TRIM44: variants seen among roughly 807,000 people sequenced by gnomAD.
TRIM44 encodes the protein tripartite motif-containing protein 44.
TRIM44 carries 13 observed loss-of-function variants against 37.4 expected under a neutral mutation model. That is an observed-to-expected ratio of 0.35 (90% CI 0.23 to 0.55). The LOEUF is 0.55. TRIM44 is among the 20% of genes least tolerant of loss of function. The probability of loss-of-function intolerance (pLI) is 0.89; values close to 1 mark genes in which losing one functional copy is unlikely to be tolerated. For missense variants in TRIM44, 426 were observed against 437.2 expected (o/e 0.97, Z 0.23); for synonymous variants, 175 against 157.2 (o/e 1.11, Z -0.85).
chr11:35,704,574 T>C (rs11033248), intron 2 of TRIM44, among the ~76,000 whole-genome samples: 2,112 of 152,264 alleles, frequency 0.014, 117 homozygotes, highest in East Asian at 0.14. Flanking sequence ...CGGCAGAAAC[T>C]CTACAAGCCA....
intron 4 of TRIM44, among the ~76,000 whole-genome samples, chr11:35,759,233 G>A (rs958908118): frequency 4.6e-5 from 7 of 151,988 alleles, no homozygotes; most frequent in Admixed American, 6.6e-5. Context: ...TTCTCTTCTC[G>A]CTTCATTTCA....
At chr11:35,759,500 C>T (rs571584051) in intron 4 of TRIM44, among the ~76,000 whole-genome samples, 9 of 152,344 alleles carry the variant, frequency 5.9e-5, no homozygotes, top group African/African-American at 1.9e-4. Flanking sequence ...TCTCTCAACT[C>T]GTCAAAGTCA....
intron 1 of TRIM44, among the ~76,000 whole-genome samples, chr11:35,682,295 A>T (rs1195468924): frequency 6.6e-6 from 1 of 152,154 alleles, no homozygotes; most frequent in African/African-American, 2.4e-5. Context: ...CCACATGTGT[A>T]TCATGGGTGA....
chr11:35,703,969 A>G (rs1851836310), intron 2 of TRIM44, among the ~76,000 whole-genome samples: 1 of 152,200 alleles, frequency 6.6e-6, no homozygotes, highest in Admixed American at 6.5e-5. Flanking sequence ...TCCGAGCTAC[A>G]GGAGGAAATT....
intron 2 of TRIM44, among the ~76,000 whole-genome samples, chr11:35,721,558 G>T (rs1564976976): frequency 6.6e-6 from 1 of 152,190 alleles, no homozygotes; most frequent in Non-Finnish European, 1.5e-5. Flanking sequence ...GGTGATGAAA[G>T]AAGTAAAGAT....
intron 2 of TRIM44, among the ~76,000 whole-genome samples, chr11:35,718,667 A>G (rs1420927638): frequency 6.6e-6 from 1 of 152,114 alleles, no homozygotes. Flanking sequence ...TACCATTAAA[A>G]TATCATACAG....
At chr11:35,725,902 C>T (rs1311726919) in intron 2 of TRIM44, 22 bp from the exon 3 acceptor site, 3 of 1,610,542 alleles carry the variant, frequency 1.9e-6, no homozygotes, top group Non-Finnish European at 2.5e-6. Flanking sequence ...ACTTATTCTT[C>T]TTATTTGTCT....
chr11:35,696,516 C>T (rs1017709367), intron 2 of TRIM44, among the ~76,000 whole-genome samples: 7 of 151,972 alleles, frequency 4.6e-5, no homozygotes, highest in African/African-American at 1.2e-4. Flanking sequence ...TCATCTGTCT[C>T]TTGTCTTTCC....
Position 35,795,822 on chromosome 11 carries a change from C to G in TRIM44, c.1008-10536C>G, listed in dbSNP as rs147544086. Reference sequence around the variant, plus strand: ...CAACTCACTGTATGACTTTTAGTCTCTCTTAGTCTTGGTTTCTTCATATGA... The same window carrying G: ...CAACTCACTGTATGACTTTTAGTCTGTCTTAGTCTTGGTTTCTTCATATGA... On this transcript the variant is annotated intron_variant, in intron 4 of 4. Transcript: ENST00000299413. 1.8e-3 allele frequency among the ~76,000 whole-genome samples: 278 copies of G among 152,232 alleles called. 14 individuals are homozygous for G. In the East Asian group the frequency reaches 0.031, roughly 17 times the overall value.
chr11:35,675,957 A>G (rs1851455267), intron 1 of TRIM44, among the ~76,000 whole-genome samples: 1 of 152,176 alleles, frequency 6.6e-6, no homozygotes, highest in Non-Finnish European at 1.5e-5. Context: ...TCCAGGCCAC[A>G]GCGTGTGCAG....
Position 35,663,204 on chromosome 11 carries a change from A to C in TRIM44, c.93A>C (p.Glu31Asp). ...CEPDEAPGAE[E>D]VCRECGFCYC... ...CCGACGAGGCTCCGGGGGCCGAGGA[A>C]GTGTGCCGAGAATGCGGCTTCTGCT... is the stretch of plus-strand genomic sequence containing the variant. The change falls in exon 1 of 5, where the codon GAA becomes GAC. Residue 31 changes from glutamate to aspartate, a missense_variant. By Grantham distance (45) the Glu-to-Asp change is conservative. Coordinates refer to ENST00000299413, the MANE Select transcript of TRIM44 (RefSeq NM_017583.6). The C allele has an allele frequency of 1.3e-6, 2 of 1,599,924 alleles. No individual in the cohort carries two copies. The highest frequency in any genetic ancestry group is 1.7e-6 in the Non-Finnish European group (2 of 1,172,264).
intron 2 of TRIM44, among the ~76,000 whole-genome samples, chr11:35,722,769 G>C (rs1367315622): frequency 6.6e-6 from 1 of 152,108 alleles, no homozygotes; most frequent in Non-Finnish European, 1.5e-5. Flanking sequence ...TCCTAAGAAT[G>C]CCTAACCTTC....
At chr11:35,782,250 T>C (rs1262697543) in intron 4 of TRIM44, among the ~76,000 whole-genome samples, 1 of 152,198 alleles carries the variant, frequency 6.6e-6, no homozygotes, top group African/African-American at 2.4e-5. Flanking sequence ...GAGGAGACAT[T>C]GCTAAATCTC....
intron 4 of TRIM44, among the ~76,000 whole-genome samples, chr11:35,749,683 AAAAC>A (rs1225978716): frequency 1.3e-5 from 2 of 152,252 alleles, no homozygotes; most frequent in African/African-American, 2.4e-5. Flanking sequence ...ACTCCATCCT[AAAAC>A]AAACAAACAG....
intron 2 of TRIM44, among the ~76,000 whole-genome samples, chr11:35,703,819 G>A (rs1268062283): frequency 6.6e-6 from 1 of 152,166 alleles, no homozygotes; most frequent in Non-Finnish European, 1.5e-5. Context: ...GAAAAAAACA[G>A]CAGAAAAACT....
Position 35,663,243 on chromosome 11 carries a change from T to C in TRIM44, c.132T>C (p.His44=). The change falls in exon 1 of 5, where the codon CAT becomes CAC. Residue 44 remains histidine, a synonymous_variant. Coordinates refer to ENST00000299413, the MANE Select transcript of TRIM44 (RefSeq NM_017583.6). ...GCGGCTTCTGCTACTGCCGCCGCCATGCCGAGGCGCACAGGCAGAAGTTCC... is the reference window on the plus strand; with the variant it reads ...GCGGCTTCTGCTACTGCCGCCGCCACGCCGAGGCGCACAGGCAGAAGTTCC... ...RECGFCYCRR[H]AEAHRQKFLS... is the part of the protein sequence containing the mutation. 1 of 1,609,468 alleles carries C rather than the reference T, an allele frequency of 6.2e-7. No individual in the cohort carries two copies. The highest frequency in any genetic ancestry group is 1.1e-5 in the South Asian group (1 of 90,906).
chr11:35,762,156 A>G (rs1273409376), intron 4 of TRIM44, among the ~76,000 whole-genome samples: 1 of 152,184 alleles, frequency 6.6e-6, no homozygotes, highest in South Asian at 2.1e-4. Flanking sequence ...CAGGGTGTGA[A>G]TGCAAATTTA....
At chr11:35,763,373 G>T (rs1852753047) in intron 4 of TRIM44, among the ~76,000 whole-genome samples, 1 of 152,140 alleles carries the variant, frequency 6.6e-6, no homozygotes, top group Non-Finnish European at 1.5e-5. Context: ...CAGGTGGAGG[G>T]AACAAGGATA....
rs1306542187 is a variant in TRIM44, at chr11:35,812,092, C to G, written c.*5707C>G. On this transcript the variant is annotated 3_prime_UTR_variant, in exon 5 of 5. Transcript: ENST00000299413. Reference sequence around the variant, plus strand: ...CTTCCCTGCTTCCTGGTGCCAGTATCTCAACACCACATCCATTGCCCCAGC... The same window carrying G: ...CTTCCCTGCTTCCTGGTGCCAGTATGTCAACACCACATCCATTGCCCCAGC... The G allele has an allele frequency of 1.3e-5, 2 of 152,368 alleles. No homozygotes were observed. Among genetic ancestry groups the G allele is most frequent in the African/African-American group, 4.8e-5 (2 of 41,578 alleles). 9.4% of individuals were successfully genotyped at this position (152,368 alleles called of 1,614,324 possible). A position where few individuals can be genotyped will look rare whatever the true frequency, so the allele number is the denominator to read the frequency against.
Sources: gnomAD v4.1 joint callset for allele counts (sites outside exome capture counted in the v4.1 genomes callset) on GRCh38, gnomAD v4.1.1 for gene constraint, MANE v1.5 for transcripts, NCBI Gene and HGNC (gene_info 2026-07-23, HGNC 2026-07-21) for gene names.